USP6NL: variants seen among roughly 807,000 people sequenced by gnomAD.
USP6NL encodes the protein USP6 N-terminal like.
Under a neutral mutation model 61.9 loss-of-function variants are expected in USP6NL, and 26 were observed. The observed-to-expected ratio is 0.42, with a 90% CI of 0.31 to 0.58. USP6NL has a LOEUF of 0.58. Ranked by LOEUF, USP6NL falls within the 20% of genes least tolerant of loss-of-function variation. USP6NL has a pLI of 0.16. For synonymous variants in USP6NL, 432 were observed against 390.1 expected (o/e 1.11, Z -1.27); for missense variants, 1,114 against 1,034.3 (o/e 1.08, Z -1.06).
chr10:11,529,292 T>C (rs747992560), intron 2 of USP6NL, among the ~76,000 whole-genome samples: 7 of 152,196 alleles, frequency 4.6e-5, no homozygotes, highest in Non-Finnish European at 1.0e-4. Context: ...TTGACAACAA[T>C]GGTGACATTG....
At chr10:11,531,005 T>C (rs577307825) in intron 2 of USP6NL, among the ~76,000 whole-genome samples, 1 of 152,370 alleles carries the variant, frequency 6.6e-6, no homozygotes, top group South Asian at 2.1e-4. Context: ...TGTGTGCACA[T>C]GTGAACAAAG....
chr10:11,523,467 A>C (rs1275480861), intron 4 of USP6NL, among the ~76,000 whole-genome samples: 2 of 152,196 alleles, frequency 1.3e-5, no homozygotes, highest in African/African-American at 4.8e-5. Flanking sequence ...GTTTTTTCTT[A>C]AAATTCATTT....
At position 11,470,967 on chromosome 10, in the gene USP6NL, C is replaced by T. The variant is rs1180498652; in HGVS notation, c.1079-7118G>A. Among the ~76,000 whole-genome samples, 1 of 152,130 alleles carries T rather than the reference C, an allele frequency of 6.6e-6. No homozygotes were observed. Among genetic ancestry groups the T allele is most frequent in the Non-Finnish European group, 1.5e-5 (1 of 68,026 alleles). On this transcript the variant is annotated intron_variant, in intron 14 of 14. Coordinates refer to ENST00000609104, the MANE Select transcript of USP6NL (RefSeq NM_014688.5). The surrounding 1 kb of genome is among the most constrained non-coding windows in gnomAD (Gnocchi z 5.4). ...TTGGGAGGCCGAGGTGGGCGGATCA[C>T]GAGGTCAGGAGATGGAGACCATCCC...
intron 2 of USP6NL, among the ~76,000 whole-genome samples, chr10:11,543,380 A>G (rs1046743993): frequency 1.3e-5 from 2 of 152,086 alleles, no homozygotes; most frequent in Non-Finnish European, 2.9e-5. Flanking sequence ...TCTCTACTAA[A>G]AAACACAAAA....
intron 6 of USP6NL, among the ~76,000 whole-genome samples, chr10:11,506,183 G>GT (rs1233663373): frequency 5.3e-5 from 8 of 152,210 alleles, no homozygotes; most frequent in Non-Finnish European, 1.0e-4. Flanking sequence ...AAAAAAAATG[G>GT]TTAATATGGT....
In USP6NL at chr10:11,596,292, T is replaced by G. The variant is rs756617436; in HGVS notation, c.4+1339A>C. On this transcript the variant is annotated intron_variant, in intron 2 of 14. Transcript: ENST00000609104. The surrounding 1 kb of genome is among the most constrained non-coding windows in gnomAD (Gnocchi z 4.1). Reference sequence around the variant, plus strand: ...TTAGCACTTTACATTAGATAAACTTTCTCACAAAATGTCATGATTGGAGCT... The same window carrying G: ...TTAGCACTTTACATTAGATAAACTTGCTCACAAAATGTCATGATTGGAGCT... Among the ~76,000 whole-genome samples the G allele has an allele frequency of 6.6e-6, 1 of 152,178 alleles. No individual in the cohort carries two copies. The highest frequency in any genetic ancestry group is 1.5e-5 in the Non-Finnish European group (1 of 68,010).
intron 4 of USP6NL, among the ~76,000 whole-genome samples, chr10:11,521,872 C>T (rs1428393370): frequency 6.6e-6 from 1 of 152,214 alleles, no homozygotes; most frequent in Non-Finnish European, 1.5e-5. Flanking sequence ...CTATTAATAA[C>T]TTGTGACCTA....
At chr10:11,594,058 G>A (rs1019880531) in intron 2 of USP6NL, among the ~76,000 whole-genome samples, 1 of 152,138 alleles carries the variant, frequency 6.6e-6, no homozygotes, top group Non-Finnish European at 1.5e-5. Flanking sequence ...CTAAACTTCA[G>A]TGACATATAT....
rs1834739191 is a variant in USP6NL, at chr10:11,511,969, TC to T, written c.196-2295del. Among the ~76,000 whole-genome samples the T allele has an allele frequency of 1.3e-5, 2 of 152,048 alleles. No individual in the cohort carries two copies. The highest frequency in any genetic ancestry group is 4.1e-4 in the South Asian group (2 of 4,830). ...ACTTGAATGCACATGAAAGTCTCTT[TC>T]CCCCAATCATGAATCTATAATTCAT... On this transcript the variant is annotated intron_variant, in intron 5 of 14. Transcript: ENST00000609104. This position sits in a 1 kb window ranked among gnomAD's most constrained non-coding sequence, Gnocchi z 4.9.
chr10:11,497,205 G>A (rs1252648356), intron 7 of USP6NL, among the ~76,000 whole-genome samples: 2 of 150,106 alleles, frequency 1.3e-5, no homozygotes, highest in Non-Finnish European at 3.0e-5. Flanking sequence ...GTCAGGAGAT[G>A]GAGACCATCT....
intron 14 of USP6NL, among the ~76,000 whole-genome samples, chr10:11,464,612 ATTGTTAAGGCAG>A (rs1832367221): frequency 6.6e-6 from 1 of 152,158 alleles, no homozygotes; most frequent in South Asian, 2.1e-4. Context: ...TTCCTGGGTA[ATTGTTAAGGCAG>A]TATCTGCACA....
At chr10:11,535,471 G>GA (rs1835795126) in intron 2 of USP6NL, among the ~76,000 whole-genome samples, 1 of 152,208 alleles carries the variant, frequency 6.6e-6, no homozygotes, top group East Asian at 1.9e-4. Flanking sequence ...AAGGCAAGCT[G>GA]AAAAAATGAG....
At chr10:11,547,645 A>C (rs572602069) in intron 2 of USP6NL, among the ~76,000 whole-genome samples, 1 of 150,120 alleles carries the variant, frequency 6.7e-6, no homozygotes, top group Non-Finnish European at 1.5e-5. Flanking sequence ...GGTTCACGCC[A>C]TTCTCCTGCC....
At chr10:11,576,695 T>G (rs1205609831) in intron 2 of USP6NL, among the ~76,000 whole-genome samples, 1 of 152,230 alleles carries the variant, frequency 6.6e-6, no homozygotes, top group Non-Finnish European at 1.5e-5. Flanking sequence ...GATATTTTGT[T>G]AGAACAGCCC....
intron 7 of USP6NL, among the ~76,000 whole-genome samples, chr10:11,494,519 TAAAAG>T (rs1425150057): frequency 6.6e-6 from 1 of 152,122 alleles, no homozygotes; most frequent in Non-Finnish European, 1.5e-5. Flanking sequence ...GACAAAGAGA[TAAAAG>T]AAAAGACAGC....
chr10:11,547,731 G>A (rs1417621326), intron 2 of USP6NL, among the ~76,000 whole-genome samples: 8 of 151,874 alleles, frequency 5.3e-5, no homozygotes, highest in Non-Finnish European at 8.8e-5. Flanking sequence ...TAGTAGAGAC[G>A]GGGTGTCACC....
rs1299552925 is a variant in USP6NL at position 11,532,492 on chromosome 10, G to A, written c.5-4925C>T. On this transcript the variant is annotated intron_variant, in intron 2 of 14. Coordinates refer to ENST00000609104, the MANE Select transcript of USP6NL (RefSeq NM_014688.5). This position sits in a 1 kb window ranked among gnomAD's most constrained non-coding sequence, Gnocchi z 4.1. ...TCAAACAAAGCTGATCATTGTTGAG[G>A]GTGAAAACACGGCTTTCAGGCTACA... Among the ~76,000 whole-genome samples, 1 of 152,150 alleles carries A rather than the reference G, an allele frequency of 6.6e-6. No individual in the cohort carries two copies. The highest frequency in any genetic ancestry group is 2.4e-5 in the African/African-American group (1 of 41,438).
chr10:11,542,471 C>A (rs1836106004), intron 2 of USP6NL, among the ~76,000 whole-genome samples: 1 of 152,182 alleles, frequency 6.6e-6, no homozygotes, highest in African/African-American at 2.4e-5. Flanking sequence ...GTAATCCCAG[C>A]ACTTTGGGAG....
rs1838002366 is a variant in USP6NL at position 11,587,193 on chromosome 10, G to A, written c.4+10438C>T. On this transcript the variant is annotated intron_variant, in intron 2 of 14. Transcript: ENST00000609104. The surrounding 1 kb of genome is among the most constrained non-coding windows in gnomAD (Gnocchi z 4.5). Reference sequence around the variant, plus strand: ...ATATGTAGGGGCTCATTAAGTATCTGTTTATACTAAAATTAAAACAATTAT... The same window carrying A: ...ATATGTAGGGGCTCATTAAGTATCTATTTATACTAAAATTAAAACAATTAT... Among the ~76,000 whole-genome samples the A allele has an allele frequency of 6.6e-6, 1 of 152,096 alleles. No homozygotes were observed. The highest frequency in any genetic ancestry group is 2.4e-5 in the African/African-American group (1 of 41,434).
Sources: allele counts gnomAD v4.1 joint callset (sites outside exome capture counted in the v4.1 genomes callset), GRCh38; gene constraint gnomAD v4.1.1; non-coding constraint Gnocchi (gnomAD v3.1); transcripts MANE v1.5; gene names NCBI Gene and HGNC (gene_info 2026-07-23, HGNC 2026-07-21).